Variants in COP1 observed in about 807,000 individuals in gnomAD.
COP1 encodes the protein E3 ubiquitin-protein ligase COP1.
A neutral mutation model predicts 101.3 loss-of-function variants in COP1; 24 were observed. That is an observed-to-expected ratio of 0.24 (90% CI 0.17 to 0.33). The LOEUF is 0.33. COP1 is among the 10% of genes least tolerant of loss of function. COP1 has a pLI of 1.00. For missense variants in COP1, 663 were observed against 906.2 expected, an observed-to-expected ratio of 0.73 and a Z score of 3.45; for synonymous variants, 347 against 341.9, an observed-to-expected ratio of 1.01 and a Z score of -0.17.
At chr1:176,163,988 A>G in intron 3 of COP1, 97 bp from the exon 4 acceptor site, 2 of 648,390 alleles carry the variant, frequency 3.1e-6, no homozygotes, top group Non-Finnish European at 5.2e-6. Context: ...TTTTACCTAT[A>G]CATAGCCTCC....
intron 9 of COP1, among the ~76,000 whole-genome samples, chr1:176,110,031 T>G (rs1685006363): frequency 6.6e-6 from 1 of 152,174 alleles, no homozygotes; most frequent in South Asian, 2.1e-4. Flanking sequence ...CACTGATTTT[T>G]TAACACACAG....
At chr1:175,998,063 T>TTAAAAAAAAA (rs1660655193) in intron 15 of COP1, among the ~76,000 whole-genome samples, 1 of 66,802 alleles carries the variant, frequency 1.5e-5, no homozygotes, top group African/African-American at 7.9e-5. Context: ...AGAGTATAAT[T>TTAAAAAAAAA]AAAAAAAAAA....
Position 176,145,789 on chromosome 1 carries a change from T to C in COP1, c.831+3217A>G, listed in dbSNP as rs886244749. On this transcript the variant is annotated intron_variant, in intron 6 of 19. Coordinates refer to ENST00000367669, the MANE Select transcript of COP1 (RefSeq NM_022457.7). ...TAACGCTCAAAAACAGAGAGACCTA[T>C]GGATACTCAGGCAGCAAAACATTAA... Among the ~76,000 whole-genome samples, 4 of 152,230 alleles carry C rather than the reference T, an allele frequency of 2.6e-5. No homozygotes were observed. In the South Asian group the frequency reaches 6.2e-4, roughly 24 times the overall value.
At chr1:176,058,754 TA>T (rs1171809329) in intron 11 of COP1, among the ~76,000 whole-genome samples, 5,131 of 88,280 alleles carry the variant, frequency 0.058, 109 homozygotes, top group Non-Finnish European at 0.081. Context: ...GAATGATCAA[TA>T]AAAAAAAAAA....
In COP1 at chr1:176,058,183, A is replaced by AGGTG. The variant is rs376799670; in HGVS notation, c.1278-11860_1278-11859insCACC. ...CGGCCAGCCGCCCCGCCCGGTAGGG[A>AGGTG]GGGGGGGGGTCAGCCCCTGCCCAGC... is the stretch of plus-strand genomic sequence containing the variant. On this transcript the variant is annotated intron_variant, in intron 11 of 19. Transcript: ENST00000367669. Among the ~76,000 whole-genome samples the AGGTG allele has an allele frequency of 3.1e-3, 354 of 114,128 alleles. 2 individuals are homozygous for AGGTG. The highest frequency in any genetic ancestry group is 0.012 in the Middle Eastern group (2 of 162). The allele number at this position is 114,128 out of a possible 152,430, so 74.9% of individuals were successfully genotyped here.
intron 18 of COP1, among the ~76,000 whole-genome samples, chr1:175,984,239 C>T (rs915384032): frequency 1.3e-5 from 2 of 152,134 alleles, no homozygotes; most frequent in South Asian, 2.1e-4. Flanking sequence ...TGGCATGCTG[C>T]GTGCAGCCTA....
At chr1:176,094,551 A>G (rs1246597043) in intron 9 of COP1, among the ~76,000 whole-genome samples, 2 of 152,016 alleles carry the variant, frequency 1.3e-5, no homozygotes, top group Non-Finnish European at 2.9e-5. Context: ...ATATTTATCA[A>G]CTATGTTAAT....
intron 15 of COP1, among the ~76,000 whole-genome samples, chr1:176,011,528 C>T (rs1227352631): frequency 1.3e-5 from 2 of 152,116 alleles, no homozygotes; most frequent in Non-Finnish European, 2.9e-5. Context: ...TTAATGTACT[C>T]CATAAACCAG....
chr1:176,011,437 A>T (rs1664649669), intron 15 of COP1, among the ~76,000 whole-genome samples: 1 of 152,210 alleles, frequency 6.6e-6, no homozygotes, highest in Admixed American at 6.5e-5. Flanking sequence ...AAATAGAAGA[A>T]TAAACTCTAA....
chr1:176,093,150 A>G (rs2149463186), intron 9 of COP1, among the ~76,000 whole-genome samples: 1 of 152,312 alleles, frequency 6.6e-6, no homozygotes, highest in South Asian at 2.1e-4. Context: ...CTTTTTTAAA[A>G]GTCAACATAT....
Position 176,207,024 on chromosome 1 carries a change from C to A in COP1, c.-46G>T. The stretch of plus-strand genomic sequence containing the variant: ...CCGGGCGCTCGGAGGAGAGGGACCG[C>A]GACCTCGACCCTCCGCCGCCTCCCC... On this transcript the variant is annotated 5_prime_UTR_variant, in exon 1 of 20. Coordinates refer to ENST00000367669, the MANE Select transcript of COP1 (RefSeq NM_022457.7). 1 of 1,337,166 alleles carries A rather than the reference C, an allele frequency of 7.5e-7. No individual in the cohort carries two copies. The highest frequency in any genetic ancestry group is 1.8e-5 in the South Asian group (1 of 56,328). 82.8% of individuals were successfully genotyped at this position (1,337,166 alleles called of 1,614,324 possible).
chr1:176,168,444 G>C (rs2149995590), intron 3 of COP1, among the ~76,000 whole-genome samples: 1 of 139,224 alleles, frequency 7.2e-6, no homozygotes, highest in South Asian at 2.4e-4. Flanking sequence ...AAGGAAGAAA[G>C]GGAAGAAGGA....
chr1:176,153,028 C>T (rs927265081), intron 5 of COP1, among the ~76,000 whole-genome samples: 1 of 152,076 alleles, frequency 6.6e-6, no homozygotes, highest in South Asian at 2.1e-4. Flanking sequence ...TGAAGATCTT[C>T]CAAAGCGTAT....
chr1:175,986,874 A>C (rs1000400064), intron 18 of COP1, 69 bp downstream of exon 18: 9 of 1,210,020 alleles, frequency 7.4e-6, no homozygotes, highest in Non-Finnish European at 1.0e-5. Context: ...TTAAAATTTA[A>C]TCAAACCCTG....
intron 5 of COP1, chr1:176,160,353 G>A: frequency 3.3e-6 from 1 of 305,970 alleles, no homozygotes; most frequent in Non-Finnish European, 6.4e-6. Flanking sequence ...TCAGGACATA[G>A]GAATGGGCAA....
intron 11 of COP1, among the ~76,000 whole-genome samples, chr1:176,048,320 G>A (rs995806786): frequency 2.7e-5 from 4 of 150,020 alleles, no homozygotes; most frequent in Admixed American, 6.6e-5. Context: ...GATTTCAGGC[G>A]TCAGACATGG....
chr1:176,069,004 T>C (rs879286831), intron 11 of COP1, among the ~76,000 whole-genome samples: 1 of 152,028 alleles, frequency 6.6e-6, no homozygotes, highest in Non-Finnish European at 1.5e-5. Flanking sequence ...CTCGGCAACA[T>C]GGTGAGATCC....
chr1:176,162,423 T>C (rs1022034812), intron 5 of COP1, among the ~76,000 whole-genome samples: 2 of 152,208 alleles, frequency 1.3e-5, no homozygotes, highest in African/African-American at 4.8e-5. Context: ...CAGATCTCTT[T>C]AAATGCTCTT....
intron 8 of COP1, among the ~76,000 whole-genome samples, chr1:176,132,017 T>C (rs907293858): frequency 6.6e-6 from 1 of 151,706 alleles, no homozygotes; most frequent in Middle Eastern, 3.2e-3. Flanking sequence ...AAATCTAGTA[T>C]GTTTTACGAG....
Sources: gnomAD v4.1 joint callset for allele counts (sites outside exome capture counted in the v4.1 genomes callset) on GRCh38, gnomAD v4.1.1 for gene constraint, MANE v1.5 for transcripts, NCBI Gene and HGNC (gene_info 2026-07-23, HGNC 2026-07-21) for gene names.